MBD5: variants seen among roughly 807,000 people sequenced by gnomAD.
MBD5 encodes the protein methyl-CpG binding domain protein 5.
A neutral mutation model predicts 117.3 loss-of-function variants in MBD5; 13 were observed. That is an observed-to-expected ratio of 0.11 (90% CI 0.07 to 0.18). The LOEUF (loss-of-function observed/expected upper bound fraction) is 0.18. Among genes scored for constraint, MBD5 ranks in the 10% least tolerant of loss-of-function variants. The pLI is 1.00. For synonymous variants in MBD5, 727 were observed against 766.4 expected (o/e 0.95, Z 0.85); for missense variants, 1,879 against 2,093.8 (o/e 0.90, Z 2.00).
At chr2:148,263,277 T>C (rs1023238690) in intron 3 of MBD5, among the ~76,000 whole-genome samples, 6 of 152,174 alleles carry the variant, frequency 3.9e-5, no homozygotes, top group African/African-American at 1.2e-4. Flanking sequence ...TTGCTAAGCA[T>C]GTTTAAATAC....
intron 2 of MBD5, among the ~76,000 whole-genome samples, chr2:148,226,250 C>T (rs376058245): frequency 1.3e-5 from 2 of 151,988 alleles, no homozygotes; most frequent in Non-Finnish European, 2.9e-5. Flanking sequence ...TCTCCTAATG[C>T]TATCCCTCCC....
chr2:148,127,602 T>A (rs1696934622), intron 1 of MBD5, among the ~76,000 whole-genome samples: 1 of 152,240 alleles, frequency 6.6e-6, no homozygotes. Context: ...ATGGTATATA[T>A]GTACCACATT....
At chr2:148,139,958 C>A (rs1697273827) in intron 1 of MBD5, among the ~76,000 whole-genome samples, 1 of 152,266 alleles carries the variant, frequency 6.6e-6, no homozygotes, top group Non-Finnish European at 1.5e-5. Context: ...CCCCAAATTA[C>A]CAATTAGTAA....
chr2:148,467,098 AC>A lies in MBD5; in HGVS notation c.398-1242del, dbSNP rs1213689844. Among the ~76,000 whole-genome samples, 4 of 152,122 alleles carry A rather than the reference AC, an allele frequency of 2.6e-5. No individual in the cohort carries two copies. In the East Asian group the frequency reaches 7.7e-4, roughly 29 times the overall value. On this transcript the variant is annotated intron_variant, in intron 7 of 13. Transcript: ENST00000642680. The stretch of plus-strand genomic sequence containing the variant: ...GCCATTCTCATCTCCTATGCCTGTA[AC>A]AGTCTCACTGGCATTTTCTCATGGA...
rs1194593204 is a variant in MBD5, at chr2:148,173,380, G to A, written c.-924-5320G>A. Among the ~76,000 whole-genome samples, 6 of 152,316 alleles carry A rather than the reference G, an allele frequency of 3.9e-5. No homozygotes were observed. The East Asian group carries it at 5.8e-4, about 15-fold the overall frequency. On this transcript the variant is annotated intron_variant, in intron 1 of 13. Coordinates refer to ENST00000642680, the MANE Select transcript of MBD5 (RefSeq NM_001378120.1). ...GCCAGCGCCTGGGGCAGCCCACCCC[G>A]CTGCAGTCAGCACGCCTGGCTCTGC...
chr2:148,429,862 C>T (rs1297463348), intron 4 of MBD5, among the ~76,000 whole-genome samples: 1 of 151,934 alleles, frequency 6.6e-6, no homozygotes, highest in South Asian at 2.1e-4. Flanking sequence ...GGGGGGCTGG[C>T]GGAGGATAGC....
intron 1 of MBD5, among the ~76,000 whole-genome samples, chr2:148,115,027 A>G (rs1272855621): frequency 2.0e-5 from 3 of 152,130 alleles, no homozygotes; most frequent in Admixed American, 6.6e-5. Flanking sequence ...ACATACATAT[A>G]TACAATTATG....
chr2:148,402,499 T>C (rs1704953925), intron 4 of MBD5, among the ~76,000 whole-genome samples: 2 of 152,144 alleles, frequency 1.3e-5, no homozygotes, highest in Non-Finnish European at 2.9e-5. Flanking sequence ...TTTCTTGTAT[T>C]TCCTTCTAAT....
intron 3 of MBD5, among the ~76,000 whole-genome samples, chr2:148,276,888 G>A (rs1187120141): frequency 6.6e-6 from 1 of 152,042 alleles, no homozygotes. Flanking sequence ...CCAGTATCAG[G>A]ATTTCAGAAT....
chr2:148,038,100 C>T (rs1253720921), intron 1 of MBD5, among the ~76,000 whole-genome samples: 1 of 151,858 alleles, frequency 6.6e-6, no homozygotes, highest in Non-Finnish European at 1.5e-5. Flanking sequence ...TATCTGGTAC[C>T]TCGGTCCCCT....
At chr2:148,347,839 T>C (rs896690795) in intron 4 of MBD5, among the ~76,000 whole-genome samples, 3 of 151,956 alleles carry the variant, frequency 2.0e-5, no homozygotes, top group Non-Finnish European at 2.9e-5. Context: ...GGGCCCATGA[T>C]GGCAGAAGTA....
chr2:148,294,501 G>GTTTTTTTTTTTTTTTTTT lies in MBD5; in HGVS notation c.-679-47710_-679-47693dup, dbSNP rs58961481. On this transcript the variant is annotated intron_variant, in intron 3 of 13. Coordinates refer to ENST00000642680, the MANE Select transcript of MBD5 (RefSeq NM_001378120.1). ...GGCCTCCCAAAGTGCTGGGATTACA[G>GTTTTTTTTTTTTTTTTTT]TTTTTTTTTTTTTTTTTTTTGAGAT... Among the ~76,000 whole-genome samples, 41 of 113,250 alleles carry GTTTTTTTTTTTTTTTTTT rather than the reference G, an allele frequency of 3.6e-4. 3 individuals are homozygous for GTTTTTTTTTTTTTTTTTT. Among genetic ancestry groups the GTTTTTTTTTTTTTTTTTT allele is most frequent in the African/African-American group, 1.2e-3 (33 of 27,288 alleles). 74.3% of individuals were successfully genotyped at this position (113,250 alleles called of 152,430 possible). A position where few individuals can be genotyped will look rare whatever the true frequency, so the allele number is the denominator to read the frequency against.
intron 1 of MBD5, among the ~76,000 whole-genome samples, chr2:148,153,004 C>A (rs1697733910): frequency 6.6e-6 from 1 of 151,234 alleles, no homozygotes; most frequent in Admixed American, 6.6e-5. Context: ...GGTTATTTTG[C>A]TGGTTAGTTG....
rs368627875 is a variant in MBD5 at position 148,037,084 on chromosome 2, G to A, written c.-925+15400G>A. On this transcript the variant is annotated intron_variant, in intron 1 of 13. Transcript: ENST00000642680. Reference sequence around the variant, plus strand: ...GACGTAGGGTTTTTATGTAAAGGCAGAATGAATTTTCTCTTCCAAAATAAC... The same window carrying A: ...GACGTAGGGTTTTTATGTAAAGGCAAAATGAATTTTCTCTTCCAAAATAAC... 3.3e-5 allele frequency among the ~76,000 whole-genome samples: 5 copies of A among 151,908 alleles called. No homozygotes were observed. In the East Asian group the frequency reaches 9.6e-4, roughly 29 times the overall value.
intron 4 of MBD5, among the ~76,000 whole-genome samples, chr2:148,398,053 T>C (rs1704790598): frequency 6.6e-6 from 1 of 152,202 alleles, no homozygotes; most frequent in South Asian, 2.1e-4. Context: ...CAGTCTATCA[T>C]TGTTGGACAT....
chr2:148,142,551 G>A (rs1436288984), intron 1 of MBD5, among the ~76,000 whole-genome samples: 2 of 152,096 alleles, frequency 1.3e-5, no homozygotes, highest in Non-Finnish European at 1.5e-5. Context: ...ACTTTCCTTG[G>A]ACTGTTTCTT....
intron 13 of MBD5, among the ~76,000 whole-genome samples, chr2:148,511,736 TAC>T (rs1682220665): frequency 1.3e-5 from 2 of 152,248 alleles, no homozygotes. Flanking sequence ...GGCTCTTTAC[TAC>T]AGAATAGTTG....
chr2:148,373,639 T>A (rs934345449), intron 4 of MBD5, among the ~76,000 whole-genome samples: 1 of 111,676 alleles, frequency 9.0e-6, no homozygotes, highest in Non-Finnish European at 1.9e-5. Context: ...TAATATAAAT[T>A]TAAAAATAAC....
intron 4 of MBD5, among the ~76,000 whole-genome samples, chr2:148,375,501 A>G (rs1482362562): frequency 6.6e-6 from 1 of 152,202 alleles, no homozygotes; most frequent in Non-Finnish European, 1.5e-5. Context: ...CAAATCCCTC[A>G]GGAAGATTTG....
Sources: gnomAD v4.1 joint callset for allele counts (sites outside exome capture counted in the v4.1 genomes callset) on GRCh38, gnomAD v4.1.1 for gene constraint, MANE v1.5 for transcripts, NCBI Gene and HGNC (gene_info 2026-07-23, HGNC 2026-07-21) for gene names.